The following SPRR2G variants were observed in gnomAD, a reference collection of about 807,000 sequenced individuals.
SPRR2G encodes small proline-rich protein 2G.
A neutral mutation model predicts 0.7 loss-of-function variants in SPRR2G; 1 was observed. The observed-to-expected ratio is 1.49, with a 90% confidence interval of 0.53 to 7.06. The LOEUF (loss-of-function observed/expected upper bound fraction) is 7.06. Among genes scored for constraint, SPRR2G ranks in the 30% most tolerant of loss-of-function variants. The pLI, the probability that SPRR2G is intolerant of heterozygous loss-of-function variation, is 0.14. For missense variants in SPRR2G, 96 were observed against 88.5 expected, an observed-to-expected ratio of 1.09 and a Z score of -0.34; for synonymous variants, 38 against 33.9, an observed-to-expected ratio of 1.12 and a Z score of -0.42.
chr1:153,159,226 A>C, the SPRR2G span, among the ~76,000 whole-genome samples: 22 of 152,248 alleles, frequency 1.4e-4, no homozygotes, highest in Non-Finnish European at 2.1e-4. Flanking sequence ...TTTGCTGCTC[A>C]GAAATCTCTT....
chr1:153,177,784 C>T, the SPRR2G span, among the ~76,000 whole-genome samples: 1 of 151,874 alleles, frequency 6.6e-6, no homozygotes, highest in South Asian at 2.1e-4. Flanking sequence ...AGACCTACAA[C>T]TTTGTTATTT....
chr1:153,200,998 G>A, the SPRR2G span, among the ~76,000 whole-genome samples: 3 of 152,140 alleles, frequency 2.0e-5, no homozygotes, highest in Admixed American at 1.3e-4. Context: ...GAGCCACCGC[G>A]CCTAGCAAAA....
At chr1:153,154,894 A>G (rs764396794), upstream of SPRR2G, among the ~76,000 whole-genome samples, 12 of 152,302 alleles carry the variant, frequency 7.9e-5, no homozygotes, top group Admixed American at 2.6e-4. Context: ...TCTGTCAGAT[A>G]AACTGAGTCA....
chr1:153,161,372 A>G, the SPRR2G span, among the ~76,000 whole-genome samples: 1 of 110,504 alleles, frequency 9.0e-6, no homozygotes, highest in African/African-American at 2.8e-5. Context: ...GTATTTCTTC[A>G]TTGGAGAAAT....
At chr1:153,152,138 T>G (rs1656483788), upstream of SPRR2G, among the ~76,000 whole-genome samples, 1 of 152,214 alleles carries the variant, frequency 6.6e-6, no homozygotes, top group Non-Finnish European at 1.5e-5. Context: ...GTGGGTCTTC[T>G]AAGAAATATA....
the SPRR2G span, among the ~76,000 whole-genome samples, chr1:153,161,572 T>C: frequency 6.6e-6 from 1 of 152,214 alleles, no homozygotes; most frequent in Non-Finnish European, 1.5e-5. Context: ...AGGTTTTTAA[T>C]TTGATGCAGC....
chr1:153,194,412 G>T, the SPRR2G span, among the ~76,000 whole-genome samples: 2 of 152,172 alleles, frequency 1.3e-5, no homozygotes, highest in African/African-American at 4.8e-5. Flanking sequence ...AACACTTGCT[G>T]GGCCAGACAG....
chr1:153,184,501 C>G, the SPRR2G span, among the ~76,000 whole-genome samples: 1 of 152,164 alleles, frequency 6.6e-6, no homozygotes, highest in Non-Finnish European at 1.5e-5. Flanking sequence ...TGATTTGGCT[C>G]TCTGTTTGTC....
Position 153,149,710 on chromosome 1 carries a change from A to G in SPRR2G, c.*179T>C, listed in dbSNP as rs912177232. ...AGATTAGGCAGTGATCTGGCTGCTC[A>G]TCTTCCAACAACATATCGGTTTTCA... On this transcript the variant is annotated 3_prime_UTR_variant, in exon 2 of 2. Transcript: ENST00000368748. The G allele has an allele frequency of 5.2e-6, 4 of 771,364 alleles. No homozygotes were observed. The African/African-American group carries it at 5.2e-5, about 10-fold the overall frequency. 47.8% of individuals were successfully genotyped at this position (771,364 alleles called of 1,614,324 possible).
At chr1:153,200,535 T>A in the SPRR2G span, among the ~76,000 whole-genome samples, 5 of 152,184 alleles carry the variant, frequency 3.3e-5, no homozygotes, top group Non-Finnish European at 7.3e-5. Flanking sequence ...AGGGTGTAGG[T>A]TTTGCACTTG....
chr1:153,166,572 C>A, the SPRR2G span, among the ~76,000 whole-genome samples: 1 of 152,092 alleles, frequency 6.6e-6, no homozygotes, highest in African/African-American at 2.4e-5. Flanking sequence ...GCTGCACCCT[C>A]AAATAAGCAG....
the SPRR2G span, among the ~76,000 whole-genome samples, chr1:153,202,050 T>C: frequency 6.6e-6 from 1 of 152,234 alleles, no homozygotes; most frequent in Non-Finnish European, 1.5e-5. Flanking sequence ...TTCTTGAGTT[T>C]ACATGATAGT....
the SPRR2G span, among the ~76,000 whole-genome samples, chr1:153,155,893 A>C: frequency 0.97 from 147,236 of 152,292 alleles, 71,224 homozygotes; most frequent in East Asian, 1. Context: ...AGGGCAGGTG[A>C]CCCTACCTAA....
At chr1:153,162,292 G>A in the SPRR2G span, among the ~76,000 whole-genome samples, 1 of 152,282 alleles carries the variant, frequency 6.6e-6, no homozygotes, top group Middle Eastern at 3.4e-3. Flanking sequence ...CTCTGCTAAA[G>A]ATAATGGCCC....
At chr1:153,163,509 G>A in the SPRR2G span, among the ~76,000 whole-genome samples, 1 of 152,140 alleles carries the variant, frequency 6.6e-6, no homozygotes, top group Non-Finnish European at 1.5e-5. Context: ...ATAAGAAAAG[G>A]GTAAGAGGTC....
the SPRR2G span, among the ~76,000 whole-genome samples, chr1:153,186,026 G>C: frequency 6.6e-6 from 1 of 152,140 alleles, no homozygotes; most frequent in Non-Finnish European, 1.5e-5. Context: ...GTTCAGTTTT[G>C]AGTGAGTTTC....
At chr1:153,153,968 C>G (rs533871), upstream of SPRR2G, among the ~76,000 whole-genome samples, 9,803 of 151,986 alleles carry the variant, frequency 0.064, 319 homozygotes, top group Middle Eastern at 0.12. Flanking sequence ...CACATATGGC[C>G]TTTATTATGT....
At chr1:153,171,762 G>A in the SPRR2G span, among the ~76,000 whole-genome samples, 1 of 152,016 alleles carries the variant, frequency 6.6e-6, no homozygotes, top group African/African-American at 2.4e-5. Context: ...TTTTTGCCCA[G>A]GTATGGTTCC....
At chr1:153,183,542 C>G in the SPRR2G span, among the ~76,000 whole-genome samples, 1 of 152,084 alleles carries the variant, frequency 6.6e-6, no homozygotes, top group African/African-American at 2.4e-5. Context: ...TGTTCATATC[C>G]TTTGCCCACT....
Sources: allele counts gnomAD v4.1 joint callset (sites outside exome capture counted in the v4.1 genomes callset), GRCh38; gene constraint gnomAD v4.1.1; transcripts MANE v1.5; gene names NCBI Gene and HGNC (gene_info 2026-07-23, HGNC 2026-07-21).